The following GRID2 variants were observed in gnomAD, a reference collection of about 807,000 sequenced individuals.
The protein encoded by GRID2 is glutamate ionotropic receptor delta type subunit 2, also known as glutamate receptor ionotropic, delta-2.
In GRID2, 33 loss-of-function variants were observed where a neutral mutation model predicts 114.8. The observed-to-expected ratio is 0.29, with a 90% CI of 0.22 to 0.38. GRID2 has a LOEUF of 0.38. Among genes scored for constraint, GRID2 ranks in the 10% least tolerant of loss-of-function variants. The pLI, the probability that GRID2 is intolerant of heterozygous loss-of-function variation, is 1.00. For synonymous variants in GRID2, 505 were observed against 449.9 expected, an observed-to-expected ratio of 1.12 and a Z score of -1.55; for missense variants, 1,184 against 1,257.7, an observed-to-expected ratio of 0.94 and a Z score of 0.89.
chr4:92,971,599 T>C (rs778628951), intron 2 of GRID2, among the ~76,000 whole-genome samples: 39 of 152,070 alleles, frequency 2.6e-4, no homozygotes, highest in Non-Finnish European at 4.0e-4. Context: ...TTATTGTTAA[T>C]CGTATTCATG....
At chr4:93,795,663 A>C (rs1734781891) in intron 1 of GRID2, among the ~76,000 whole-genome samples, 1 of 152,186 alleles carries the variant, frequency 6.6e-6, no homozygotes, top group Admixed American at 6.5e-5. Flanking sequence ...CAGGTGAGCA[A>C]GTATAGGATT....
intron 2 of GRID2, among the ~76,000 whole-genome samples, chr4:92,930,324 C>T (rs996629975): frequency 6.6e-6 from 1 of 151,266 alleles, no homozygotes; most frequent in South Asian, 2.1e-4. Flanking sequence ...TCAACGTTTT[C>T]ATCTTCAACT....
chr4:93,490,446 T>A lies in GRID2; in HGVS notation c.1859-193T>A, dbSNP rs536099644. ...TTATACTAAATATTTATCATGCTTC[T>A]TTTGGCTGGGTCTTTCATAATCTCA... On this transcript the variant is annotated intron_variant, in intron 11 of 15. Transcript: ENST00000282020. Among the ~76,000 whole-genome samples, 78 of 151,962 alleles carry A rather than the reference T, an allele frequency of 5.1e-4. No individual in the cohort carries two copies. The Middle Eastern group carries it at 0.01, about 20-fold the overall frequency.
At chr4:92,819,894 GATAAT>G (rs1187929908) in intron 2 of GRID2, among the ~76,000 whole-genome samples, 1 of 151,980 alleles carries the variant, frequency 6.6e-6, no homozygotes, top group African/African-American at 2.4e-5. Flanking sequence ...GTCTTGTTTT[GATAAT>G]ATATGAATAA....
In GRID2 at chr4:92,349,415, G is replaced by A. The variant is rs141428418; in HGVS notation, c.88+44671G>A. Among the ~76,000 whole-genome samples the A allele has an allele frequency of 4.1e-4, 63 of 151,910 alleles. 1 individual carries two copies. Among genetic ancestry groups the A allele is most frequent in the African/African-American group, 1.4e-3 (59 of 41,508 alleles). ...AGAGATGTCAGTCTATTATTAACCT[G>A]TGACAGATATTAACTATACATATTG... On this transcript the variant is annotated intron_variant, in intron 1 of 15. Transcript: ENST00000282020.
chr4:93,420,854 C>T (rs919962458), intron 9 of GRID2, among the ~76,000 whole-genome samples: 14 of 151,936 alleles, frequency 9.2e-5, no homozygotes, highest in Middle Eastern at 3.4e-3. Context: ...CCCAGGTTCA[C>T]GCCATTCTCC....
intron 6 of GRID2, among the ~76,000 whole-genome samples, chr4:93,223,337 CAAGTATTATACAT>C (rs1281752036): frequency 6.6e-6 from 1 of 152,024 alleles, no homozygotes; most frequent in Non-Finnish European, 1.5e-5. Context: ...AAAAGGCCTA[CAAGTATTATACAT>C]ATAAAATGAT....
At chr4:92,978,733 A>G (rs1234796317) in intron 2 of GRID2, among the ~76,000 whole-genome samples, 2 of 152,196 alleles carry the variant, frequency 1.3e-5, no homozygotes, top group East Asian at 1.9e-4. Flanking sequence ...TTTCTAAATT[A>G]TGTAAATTAT....
chr4:93,455,095 A>G (rs941010165), intron 10 of GRID2, among the ~76,000 whole-genome samples: 2 of 152,134 alleles, frequency 1.3e-5, no homozygotes, highest in Admixed American at 6.5e-5. Context: ...TGAAGTTTAT[A>G]CAATACAATC....
intron 12 of GRID2, among the ~76,000 whole-genome samples, chr4:93,506,410 C>G (rs1028563310): frequency 1.2e-4 from 19 of 152,160 alleles, no homozygotes; most frequent in Admixed American, 9.8e-4. Context: ...CGCACTTTTT[C>G]TAGACCAAAC....
intron 4 of GRID2, among the ~76,000 whole-genome samples, chr4:93,128,927 A>G (rs1010758552): frequency 1.3e-5 from 2 of 152,204 alleles, no homozygotes; most frequent in African/African-American, 2.4e-5. Flanking sequence ...TGCAAACCTC[A>G]TGGTATTACT....
At chr4:92,889,652 G>A (rs1746611897) in intron 2 of GRID2, among the ~76,000 whole-genome samples, 1 of 152,076 alleles carries the variant, frequency 6.6e-6, no homozygotes, top group African/African-American at 2.4e-5. Flanking sequence ...GCATGCTCAT[G>A]GATAAGAAGA....
At chr4:93,324,353 T>C (rs987569901) in intron 8 of GRID2, among the ~76,000 whole-genome samples, 1 of 152,220 alleles carries the variant, frequency 6.6e-6, no homozygotes, top group Non-Finnish European at 1.5e-5. Context: ...ATTATGTTTA[T>C]TGATTTGAGT....
intron 14 of GRID2, among the ~76,000 whole-genome samples, chr4:93,731,882 C>T (rs1484482028): frequency 1.3e-5 from 2 of 152,170 alleles, no homozygotes; most frequent in African/African-American, 4.8e-5. Flanking sequence ...TTTCTGTAAG[C>T]CAAGTTTTGC....
chr4:92,687,111 C>T (rs1262720453), intron 2 of GRID2, among the ~76,000 whole-genome samples: 1 of 151,914 alleles, frequency 6.6e-6, no homozygotes, highest in Non-Finnish European at 1.5e-5. Context: ...CTGGAGTTAC[C>T]ATGCCTTTTG....
intron 8 of GRID2, among the ~76,000 whole-genome samples, chr4:93,321,312 C>T (rs984382058): frequency 6.6e-6 from 1 of 151,788 alleles, no homozygotes; most frequent in Non-Finnish European, 1.5e-5. Context: ...AATGTATTTC[C>T]CTAATTATAA....
chr4:92,801,726 C>T lies in GRID2; in HGVS notation c.244+211440C>T, dbSNP rs527929346. Reference sequence around the variant, plus strand: ...AATTTAGTGTAATAATACATATAGGCTAACACAAACAGTGCAATGCTTAAA... The same window carrying T: ...AATTTAGTGTAATAATACATATAGGTTAACACAAACAGTGCAATGCTTAAA... On this transcript the variant is annotated intron_variant, in intron 2 of 15. Transcript: ENST00000282020. 9.2e-5 allele frequency among the ~76,000 whole-genome samples: 14 copies of T among 151,886 alleles called. No homozygotes were observed. The East Asian group carries it at 2.2e-3, about 23-fold the overall frequency.
chr4:92,733,639 G>T (rs954951364), intron 2 of GRID2, among the ~76,000 whole-genome samples: 3 of 152,034 alleles, frequency 2.0e-5, no homozygotes, highest in African/African-American at 7.2e-5. Context: ...AATCTGTTTG[G>T]CATCTGTTCC....
At chr4:93,484,807 A>G (rs950641440) in intron 11 of GRID2, among the ~76,000 whole-genome samples, 1 of 151,886 alleles carries the variant, frequency 6.6e-6, no homozygotes, top group Admixed American at 6.6e-5. Flanking sequence ...CTTGAGGCCA[A>G]ACTTAAAATA....
Sources: allele counts gnomAD v4.1 joint callset (sites outside exome capture counted in the v4.1 genomes callset), GRCh38; gene constraint gnomAD v4.1.1; transcripts MANE v1.5; gene names NCBI Gene and HGNC (gene_info 2026-07-23, HGNC 2026-07-21).